The following ZNF346 variants were observed in gnomAD, a reference collection of about 807,000 sequenced individuals.
ZNF346 encodes zinc finger protein 346.
In ZNF346, 23 loss-of-function variants were observed where a neutral mutation model predicts 33.7. The observed-to-expected ratio is 0.68, with a 90% CI of 0.49 to 0.97. The LOEUF (loss-of-function observed/expected upper bound fraction) is 0.97. ZNF346 is among the 50% of genes least tolerant of loss of function. The probability of loss-of-function intolerance (pLI) is 0.00; values close to 1 mark genes in which losing one functional copy is unlikely to be tolerated. For synonymous variants in ZNF346, 134 were observed against 142.4 expected, an observed-to-expected ratio of 0.94 and a Z score of 0.42; for missense variants, 340 against 371.1, an observed-to-expected ratio of 0.92 and a Z score of 0.69.
chr5:177,061,959 C>A (rs1782602762), intron 5 of ZNF346, 99 bp from the exon 6 acceptor site: 3 of 1,032,790 alleles, frequency 2.9e-6, no homozygotes, highest in Non-Finnish European at 4.4e-6. Flanking sequence ...CTCGCCTCAC[C>A]TGTCCGTCCT....
intron 1 of ZNF346, chr5:177,023,139 C>A: frequency 6.8e-7 from 1 of 1,473,074 alleles, no homozygotes; most frequent in Non-Finnish European, 9.2e-7. Flanking sequence ...TTTCCTCCTC[C>A]TCCTTCATCA....
rs1783053479 is a variant in ZNF346 at position 177,065,329 on chromosome 5, A to T, written c.*730A>T. The T allele has an allele frequency of 6.6e-6, 1 of 152,626 alleles. No homozygotes were observed. Among genetic ancestry groups the T allele is most frequent in the Admixed American group, 6.6e-5 (1 of 15,260 alleles). The allele number at this position is 152,626 out of a possible 1,614,324, so 9.5% of individuals were successfully genotyped here. ...GAGATCATAGGACACTCCAATGGGG[A>T]TGGGACCTTTCCCCTCCTCCATCAG... On this transcript the variant is annotated 3_prime_UTR_variant, in exon 7 of 7. Transcript: ENST00000358149.
In ZNF346 at chr5:177,025,393, C is replaced by T. The variant is rs112029806; in HGVS notation, c.175+2480C>T. On this transcript the variant is annotated intron_variant, in intron 1 of 6. Coordinates refer to ENST00000358149, the MANE Select transcript of ZNF346 (RefSeq NM_012279.4). ...ATTCATGCCCAAGTTTTTGTGTGAA[C>T]ATACATTTCATTTCTTGAGTATATC... 4.3e-3 allele frequency among the ~76,000 whole-genome samples: 642 copies of T among 149,872 alleles called. 9 individuals are homozygous for T. The highest frequency in any genetic ancestry group is 0.014 in the African/African-American group (596 of 41,418).
intron 5 of ZNF346, among the ~76,000 whole-genome samples, chr5:177,061,039 G>A (rs1193984627): frequency 6.6e-6 from 1 of 152,086 alleles, no homozygotes; most frequent in African/African-American, 2.4e-5. Flanking sequence ...GTGAACCCGG[G>A]AGGCGGAGCT....
In ZNF346 at chr5:177,077,961, A is replaced by G. The variant is rs1421159221; in HGVS notation, c.*3-1421A>G. Among the ~76,000 whole-genome samples, 1 of 152,184 alleles carries G rather than the reference A, an allele frequency of 6.6e-6. No individual in the cohort carries two copies. The highest frequency in any genetic ancestry group is 2.4e-5 in the African/African-American group (1 of 41,446). ...CAGGAGCTCGAGCCCAGCCTGGTCA[A>G]CATGGTGAAACCCCATCTCTACTAA... On this transcript the variant is annotated intron_variant, in intron 8 of 8. Transcript: ENST00000503039. The surrounding 1 kb of genome is among the most constrained non-coding windows in gnomAD (Gnocchi z 5.0).
chr5:177,050,449 A>G (rs1257559132), intron 4 of ZNF346, among the ~76,000 whole-genome samples: 1 of 152,198 alleles, frequency 6.6e-6, no homozygotes, highest in Admixed American at 6.6e-5. Flanking sequence ...AGGGCCTCCT[A>G]AGAATATGAG....
At chr5:177,023,332 C>G in intron 1 of ZNF346, 1 of 899,862 alleles carries the variant, frequency 1.1e-6, no homozygotes, top group Non-Finnish European at 1.8e-6. Flanking sequence ...CTCTCAAGCC[C>G]CACACTTCCG....
chr5:177,064,370 C>G (rs1399342460), intron 6 of ZNF346, 142 bp from the exon 7 acceptor site: 1 of 627,848 alleles, frequency 1.6e-6, no homozygotes, highest in Non-Finnish European at 2.8e-6. Flanking sequence ...ATCCAGCATT[C>G]TGCCAGCCCA....
chr5:177,051,759 G>C (rs1451564297), intron 5 of ZNF346: 1 of 151,560 alleles, frequency 6.6e-6, no homozygotes, highest in Admixed American at 6.6e-5. Flanking sequence ...GGATGGTCTC[G>C]ATTTCCTGAC....
At chr5:177,051,108 G>A (rs918668859) in intron 5 of ZNF346, among the ~76,000 whole-genome samples, 172 bp downstream of exon 5, 5 of 151,688 alleles carry the variant, frequency 3.3e-5, no homozygotes, top group Non-Finnish European at 5.9e-5. Flanking sequence ...AGGGGATATG[G>A]TCAGCTGAAG....
In ZNF346 at chr5:177,062,093, G is replaced by A. The variant is rs754065447; in HGVS notation, c.739G>A (p.Val247Met). 6.2e-7 allele frequency: 1 copy of A among 1,614,026 alleles called. No homozygotes were observed. The highest frequency in any genetic ancestry group is 1.3e-5 in the African/African-American group (1 of 74,934). Reference protein sequence around the residue: ...KGYPCKTCKIVLNSIEQYQAH... With the variant: ...KGYPCKTCKIMLNSIEQYQAH... The stretch of plus-strand genomic sequence containing the variant: ...CTACCCCTGCAAAACATGTAAGATA[G>A]TGCTGAACTCCATAGAACAGTACCA... The change falls in exon 6 of 7, where the codon GTG becomes ATG. Residue 247 changes from valine (V) to methionine (M), a missense_variant. By Grantham distance (21) the Val-to-Met change is conservative. Transcript: ENST00000358149.
At chr5:177,069,888 C>A (rs575868234), downstream of ZNF346, among the ~76,000 whole-genome samples, 2 of 152,310 alleles carry the variant, frequency 1.3e-5, no homozygotes, top group East Asian at 3.9e-4. Context: ...TCTCAAACTC[C>A]TGGGCTCAAG....
intron 1 of ZNF346, among the ~76,000 whole-genome samples, chr5:177,030,271 A>C (rs1777481678): frequency 6.6e-6 from 1 of 152,038 alleles, no homozygotes; most frequent in South Asian, 2.1e-4. Flanking sequence ...TTGATTTCTG[A>C]TTAAATTCCA....
chr5:177,060,260 C>T (rs1347000466), intron 5 of ZNF346, among the ~76,000 whole-genome samples: 5 of 152,326 alleles, frequency 3.3e-5, no homozygotes, highest in East Asian at 1.9e-4. Context: ...CGGCGGCTCA[C>T]GCCTATAATC....
chr5:177,049,985 C>T (rs185883428), intron 4 of ZNF346, among the ~76,000 whole-genome samples: 126 of 152,246 alleles, frequency 8.3e-4, no homozygotes, highest in African/African-American at 2.9e-3. Context: ...TACAGGCACA[C>T]GCCACCATGC....
intron 5 of ZNF346, among the ~76,000 whole-genome samples, chr5:177,054,228 C>T (rs567533086): frequency 6.6e-5 from 10 of 151,832 alleles, no homozygotes; most frequent in Non-Finnish European, 1.5e-4. Context: ...TGTGCCACCA[C>T]ACCTGGCTAC....
chr5:177,047,061 TA>T (rs1780154375), intron 4 of ZNF346, among the ~76,000 whole-genome samples: 2 of 151,246 alleles, frequency 1.3e-5, no homozygotes, highest in Non-Finnish European at 2.9e-5. Flanking sequence ...TTTATTTATT[TA>T]TTTTGAGATG....
intron 5 of ZNF346, among the ~76,000 whole-genome samples, chr5:177,059,604 C>T (rs1782200660): frequency 6.3e-5 from 2 of 31,994 alleles, no homozygotes; most frequent in Non-Finnish European, 1.1e-4. Flanking sequence ...CTCCAGGTTA[C>T]TGAAATCCTC....
Position 177,065,041 on chromosome 5 carries a change from CAG to C in ZNF346, c.*445_*446del, listed in dbSNP as rs1228758193. 1 of 163,202 alleles carries C rather than the reference CAG, an allele frequency of 6.1e-6. No homozygotes were observed. The highest frequency in any genetic ancestry group is 1.3e-5 in the Non-Finnish European group (1 of 74,802). 10.1% of individuals were successfully genotyped at this position (163,202 alleles called of 1,614,324 possible). A position where few individuals can be genotyped will look rare whatever the true frequency, so the allele number is the denominator to read the frequency against. On this transcript the variant is annotated 3_prime_UTR_variant, in exon 7 of 7. Coordinates refer to ENST00000358149, the MANE Select transcript of ZNF346 (RefSeq NM_012279.4). ...GCCAAACCTGGGGCAGGGCAGGAAA[CAG>C]AGGAAATGGCTGCAACATGGGAGCT...
Sources: gnomAD v4.1 joint callset for allele counts (sites outside exome capture counted in the v4.1 genomes callset) on GRCh38, gnomAD v4.1.1 for gene constraint, Gnocchi (gnomAD v3.1) non-coding constraint, MANE v1.5 for transcripts, NCBI Gene and HGNC (gene_info 2026-07-23, HGNC 2026-07-21) for gene names.